The following WDR70 variants were observed in gnomAD, a reference collection of about 807,000 sequenced individuals.
WDR70 encodes WD repeat domain 70, also known as WD repeat-containing protein 70.
In WDR70, 53 loss-of-function variants were observed where a neutral mutation model predicts 88.6. The observed-to-expected ratio is 0.60, with a 90% CI of 0.48 to 0.75. The LOEUF is 0.75. Among genes scored for constraint, WDR70 ranks in the 30% least tolerant of loss-of-function variants. The probability of loss-of-function intolerance (pLI) is 0.00; values close to 1 mark genes in which losing one functional copy is unlikely to be tolerated. For missense variants in WDR70, 610 were observed against 823.2 expected, an observed-to-expected ratio of 0.74 and a Z score of 3.17; for synonymous variants, 280 against 270.0, an observed-to-expected ratio of 1.04 and a Z score of -0.36.
intron 9 of WDR70, among the ~76,000 whole-genome samples, chr5:37,557,119 T>C (rs1742313262): frequency 6.6e-6 from 1 of 152,090 alleles, no homozygotes; most frequent in African/African-American, 2.4e-5. Context: ...GAATTAACTC[T>C]ATCTGGTGGT....
At chr5:37,521,289 C>G (rs1442186020) in intron 9 of WDR70, among the ~76,000 whole-genome samples, 2 of 108,964 alleles carry the variant, frequency 1.8e-5, no homozygotes, top group East Asian at 2.9e-4. Flanking sequence ...ATGTTATATT[C>G]CAAGACCAGT....
intron 9 of WDR70, among the ~76,000 whole-genome samples, chr5:37,584,767 C>T (rs1202420763): frequency 6.6e-6 from 1 of 151,756 alleles, no homozygotes; most frequent in Non-Finnish European, 1.5e-5. Context: ...CATAGTGAGC[C>T]CTGGCAGCAC....
intron 17 of WDR70, among the ~76,000 whole-genome samples, chr5:37,741,236 CTT>C (rs5867363): frequency 0.025 from 3,444 of 138,448 alleles, 103 homozygotes; most frequent in African/African-American, 0.067. Context: ...GAGCCTAGTT[CTT>C]TTTTTTTTTT....
rs541649371 is a variant in WDR70 at position 37,752,009 on chromosome 5, C to A, written c.1878-477C>A. Among the ~76,000 whole-genome samples, 13 of 152,262 alleles carry A rather than the reference C, an allele frequency of 8.5e-5. 1 individual carries two copies. In the East Asian group the frequency reaches 2.5e-3, roughly 29 times the overall value. ...GGCTCAAATTCATTAGATAAGAAAA[C>A]AAACTCATATTTTCCCATTTATGTG... On this transcript the variant is annotated intron_variant, in intron 17 of 17. Transcript: ENST00000265107.
intron 8 of WDR70, chr5:37,506,822 G>A (rs1740574652): frequency 2.3e-6 from 3 of 1,312,716 alleles, no homozygotes; most frequent in South Asian, 2.4e-5. Context: ...TTCCGTTCTT[G>A]GGGGCTGCTG....
At chr5:37,669,615 G>T (rs1263513890) in intron 10 of WDR70, among the ~76,000 whole-genome samples, 1 of 152,076 alleles carries the variant, frequency 6.6e-6, no homozygotes, top group East Asian at 1.9e-4. Context: ...TGGGTCCTCT[G>T]AGAAGCAGAC....
At chr5:37,648,292 GT>G (rs1455969226) in intron 10 of WDR70, among the ~76,000 whole-genome samples, 1 of 152,008 alleles carries the variant, frequency 6.6e-6, no homozygotes, top group Non-Finnish European at 1.5e-5. Flanking sequence ...ATTTTTACCT[GT>G]TTTGGCTGGG....
At chr5:37,542,511 G>C (rs6872613) in intron 9 of WDR70, among the ~76,000 whole-genome samples, 6,089 of 152,064 alleles carry the variant, frequency 0.04, 436 homozygotes, top group African/African-American at 0.14. Flanking sequence ...TCTGACTCCT[G>C]ACCTCGTGAT....
intron 9 of WDR70, among the ~76,000 whole-genome samples, chr5:37,517,630 G>C (rs1001318289): frequency 4.0e-5 from 6 of 151,866 alleles, no homozygotes; most frequent in Admixed American, 2.6e-4. Flanking sequence ...GCCTCCCAAA[G>C]TGCTGGGATT....
At chr5:37,485,791 A>G (rs1385631979) in intron 8 of WDR70, among the ~76,000 whole-genome samples, 2 of 151,126 alleles carry the variant, frequency 1.3e-5, no homozygotes, top group African/African-American at 4.9e-5. Flanking sequence ...TCTTGGGTTC[A>G]AGCGATTCCC....
chr5:37,676,779 C>T (rs1746237325), intron 10 of WDR70, among the ~76,000 whole-genome samples: 2 of 151,502 alleles, frequency 1.3e-5, no homozygotes, highest in Admixed American at 6.6e-5. Flanking sequence ...CCCTCTTTTT[C>T]TATTGATTGG....
chr5:37,488,596 C>G (rs1253184498), intron 8 of WDR70, among the ~76,000 whole-genome samples: 3 of 148,768 alleles, frequency 2.0e-5, no homozygotes, highest in Non-Finnish European at 3.0e-5. Context: ...CTTGTTGAAG[C>G]TTTCAGTTGT....
At chr5:37,480,274 C>A (rs1581320707) in intron 8 of WDR70, among the ~76,000 whole-genome samples, 2 of 152,282 alleles carry the variant, frequency 1.3e-5, no homozygotes, top group African/African-American at 2.4e-5. Context: ...CTACCCCACC[C>A]CTTCCCTTCT....
At chr5:37,708,495 A>T (rs1052852424) in intron 13 of WDR70, among the ~76,000 whole-genome samples, 1 of 152,140 alleles carries the variant, frequency 6.6e-6, no homozygotes, top group East Asian at 1.9e-4. Context: ...ACATAAATTT[A>T]AAAAGTATAT....
chr5:37,643,441 TG>T (rs1745156327), intron 10 of WDR70, among the ~76,000 whole-genome samples: 1 of 152,008 alleles, frequency 6.6e-6, no homozygotes, highest in African/African-American at 2.4e-5. Context: ...TTCTTCTTTT[TG>T]TTTAGGATAG....
At chr5:37,418,331 T>C (rs1033164175) in intron 5 of WDR70, among the ~76,000 whole-genome samples, 1 of 152,192 alleles carries the variant, frequency 6.6e-6, no homozygotes, top group African/African-American at 2.4e-5. Context: ...GAATCTCCTG[T>C]TTTTTTGAGA....
At chr5:37,672,310 G>A (rs1306331475) in intron 10 of WDR70, among the ~76,000 whole-genome samples, 3 of 152,060 alleles carry the variant, frequency 2.0e-5, no homozygotes, top group Non-Finnish European at 4.4e-5. Context: ...CCTGACACCC[G>A]TGAAGCGTCT....
At position 37,726,960 on chromosome 5, in the gene WDR70, G is replaced by A. The variant is rs1275585136; in HGVS notation, c.1792G>A (p.Asp598Asn). ...GAAGAACATTGCTTTGGACAAGACCGATGACAGTAATCCTCGGGAAGCCAT... is the reference window on the plus strand; with the variant it reads ...GAAGAACATTGCTTTGGACAAGACCAATGACAGTAATCCTCGGGAAGCCAT... ...IVKNIALDKT[D>N]DSNPREAILR... Residue 598 changes from aspartate (D) to asparagine (N), a missense_variant, in exon 17 of 18, where the codon GAT becomes AAT. Physicochemically the swap from Asp to Asn is conservative, Grantham distance 23. Coordinates refer to ENST00000265107, the MANE Select transcript of WDR70 (RefSeq NM_018034.4). 4 of 1,612,096 alleles carry A rather than the reference G, an allele frequency of 2.5e-6. No individual in the cohort carries two copies. Among genetic ancestry groups the A allele is most frequent in the East Asian group, 2.2e-5 (1 of 44,812 alleles).
At position 37,587,806 on chromosome 5, in the gene WDR70, G is replaced by C. The variant is rs1326477872; in HGVS notation, c.918-17258G>C. On this transcript the variant is annotated intron_variant, in intron 9 of 17. Coordinates refer to ENST00000265107, the MANE Select transcript of WDR70 (RefSeq NM_018034.4). ...TTTTTTTTTTTTTTTTTGAGACAGA[G>C]TCTCACTCTATCGCCCAGGCTGGAG... Among the ~76,000 whole-genome samples the C allele has an allele frequency of 5.8e-5, 8 of 138,828 alleles. No individual in the cohort carries two copies. In the East Asian group the frequency reaches 1.7e-3, roughly 29 times the overall value. 91.1% of individuals were successfully genotyped at this position (138,828 alleles called of 152,430 possible).
Sources: gnomAD v4.1 joint callset for allele counts (sites outside exome capture counted in the v4.1 genomes callset) on GRCh38, gnomAD v4.1.1 for gene constraint, MANE v1.5 for transcripts, NCBI Gene and HGNC (gene_info 2026-07-23, HGNC 2026-07-21) for gene names.